Variants in SLC43A2 observed in about 807,000 individuals in gnomAD.
SLC43A2 encodes the protein solute carrier family 43 member 2, also known as large neutral amino acids transporter small subunit 4.
A neutral mutation model predicts 63.2 loss-of-function variants in SLC43A2; 38 were observed. That is an observed-to-expected ratio of 0.60 (90% confidence interval 0.46 to 0.79). SLC43A2 has a LOEUF of 0.79. Among genes scored for constraint, SLC43A2 ranks in the 30% least tolerant of loss-of-function variants. The probability of loss-of-function intolerance (pLI) is 0.00; values close to 1 mark genes in which losing one functional copy is unlikely to be tolerated. For missense variants in SLC43A2, 644 were observed against 756.2 expected (o/e 0.85, Z 1.74); for synonymous variants, 322 against 331.0 (o/e 0.97, Z 0.30).
At position 1,575,414 on chromosome 17, in the gene SLC43A2, A is replaced by C; in HGVS notation, c.*190T>G. On this transcript the variant is annotated 3_prime_UTR_variant, in exon 14 of 14. Coordinates refer to ENST00000301335, the MANE Select transcript of SLC43A2 (RefSeq NM_152346.3). ...GGCAGCCCCTGCGTTCGGCAGGAGA[A>C]AACGCGCGTGTCCGGGGCCCTCTCC... 5.6e-6 allele frequency: 4 copies of C among 709,832 alleles called. No homozygotes were observed. The highest frequency in any genetic ancestry group is 2.9e-5 in the Admixed American group (1 of 34,326). 44.0% of individuals were successfully genotyped at this position (709,832 alleles called of 1,614,324 possible).
intron 2 of SLC43A2, 59 bp downstream of exon 2, chr17:1,627,656 C>A: frequency 5.1e-5 from 35 of 689,884 alleles, no homozygotes; most frequent in African/African-American, 9.9e-5. Flanking sequence ...GCCCCCATCC[C>A]GCCCCCTCCC....
At chr17:1,613,657 G>C (rs933578425) in intron 4 of SLC43A2, among the ~76,000 whole-genome samples, 1 of 152,078 alleles carries the variant, frequency 6.6e-6, no homozygotes, top group Non-Finnish European at 1.5e-5. Context: ...GGCTGGTCTC[G>C]AACTCCTGGC....
chr17:1,588,499 T>C (rs1218805168), intron 9 of SLC43A2, among the ~76,000 whole-genome samples: 1 of 148,846 alleles, frequency 6.7e-6, no homozygotes, highest in Non-Finnish European at 1.5e-5. Flanking sequence ...GAGACCAGCC[T>C]GGGAAAAATA....
intron 2 of SLC43A2, among the ~76,000 whole-genome samples, chr17:1,624,925 G>A (rs181235460): frequency 6.6e-6 from 1 of 152,174 alleles, no homozygotes; most frequent in East Asian, 1.9e-4. Flanking sequence ...ACAGGTAGCC[G>A]CAGCCCCCCA....
intron 5 of SLC43A2, among the ~76,000 whole-genome samples, chr17:1,598,561 G>A (rs537322708): frequency 4.6e-5 from 7 of 152,318 alleles, no homozygotes; most frequent in African/African-American, 1.7e-4. Flanking sequence ...GGTAAAAAGA[G>A]TGTCTCAAAC....
Position 1,583,345 on chromosome 17 carries a change from A to G in SLC43A2, c.1218-9T>C. 1 of 1,613,848 alleles carries G rather than the reference A, an allele frequency of 6.2e-7. No homozygotes were observed. Among genetic ancestry groups the G allele is most frequent in the Non-Finnish European group, 8.5e-7 (1 of 1,179,842 alleles). On this transcript the variant is annotated splice_polypyrimidine_tract_variant and intron_variant, in intron 10 of 13. Coordinates refer to ENST00000301335, the MANE Select transcript of SLC43A2 (RefSeq NM_152346.3). This position sits in a 1 kb window ranked among gnomAD's most constrained non-coding sequence, Gnocchi z 5.5. ...TCTTTTTCTTCTCGCCTCTGTGGAGACACAGAACGTGCAGGGGTGGGAGGG... is the reference window on the plus strand; with the variant it reads ...TCTTTTTCTTCTCGCCTCTGTGGAGGCACAGAACGTGCAGGGGTGGGAGGG...
chr17:1,628,945 C>T (rs990032914), upstream of SLC43A2: 2 of 152,212 alleles, frequency 1.3e-5, no homozygotes, highest in African/African-American at 2.4e-5. Flanking sequence ...AGCAGCCAGC[C>T]CCCCGCCCGC....
At chr17:1,604,675 C>T in intron 5 of SLC43A2, 1 of 1,508,530 alleles carries the variant, frequency 6.6e-7, no homozygotes, top group Non-Finnish European at 8.9e-7. Context: ...TGCCCAGTCC[C>T]CAACTAGAGA....
rs145630054 is a variant in SLC43A2, at chr17:1,583,289, G to C, written c.1265C>G (p.Thr422Ser). 6.2e-7 allele frequency: 1 copy of C among 1,614,206 alleles called. No individual in the cohort carries two copies. ...KKRDRQIQKI[T>S]NAMRAFAFTN... ...GAAGGCGAAGGCCCGCATGGCATTA[G>C]TGATCTTCTGGATCTGCCGGTCCCG... Residue 422 changes from threonine (T) to serine (S), a missense_variant, in exon 11 of 14, where the codon ACT becomes AGT. This residue lies in a region of SLC43A2 where 528 missense variants were observed against 623.6 expected (regional missense o/e 0.85). Coordinates refer to ENST00000301335, the MANE Select transcript of SLC43A2 (RefSeq NM_152346.3). This position sits in a 1 kb window ranked among gnomAD's most constrained non-coding sequence, Gnocchi z 5.5.
At chr17:1,590,713 C>A (rs983816107) in intron 9 of SLC43A2, 89 bp downstream of exon 9, 8 of 1,499,482 alleles carry the variant, frequency 5.3e-6, no homozygotes, top group Non-Finnish European at 7.2e-6. Context: ...CCGGCTGGCC[C>A]GGCTCAGCTT....
At chr17:1,608,392 T>C (rs1485534957) in intron 5 of SLC43A2, among the ~76,000 whole-genome samples, 1 of 151,700 alleles carries the variant, frequency 6.6e-6, no homozygotes, top group Non-Finnish European at 1.5e-5. Context: ...CAGTGGTTTG[T>C]GTGTTTTGTT....
At chr17:1,604,838 C>T in intron 5 of SLC43A2, 1 of 1,535,760 alleles carries the variant, frequency 6.5e-7, no homozygotes, top group Non-Finnish European at 8.7e-7. Context: ...ATCCTGACAT[C>T]TGGGTCACTC....
At chr17:1,604,818 C>A in intron 5 of SLC43A2, 1 of 1,535,782 alleles carries the variant, frequency 6.5e-7, no homozygotes, top group Non-Finnish European at 8.7e-7. Context: ...CCTGTGGACT[C>A]CCGTAGGTCA....
intron 2 of SLC43A2, among the ~76,000 whole-genome samples, chr17:1,621,397 A>G (rs1908143493): frequency 6.6e-6 from 1 of 152,062 alleles, no homozygotes; most frequent in South Asian, 2.1e-4. Flanking sequence ...GGGCCCCTGG[A>G]CAGCCCACCG....
chr17:1,607,728 T>C (rs117946745), intron 5 of SLC43A2, among the ~76,000 whole-genome samples: 2,101 of 152,244 alleles, frequency 0.014, 19 homozygotes, highest in South Asian at 0.077. Flanking sequence ...AGACTTTTTT[T>C]TTTTTGAGTC....
intron 11 of SLC43A2, among the ~76,000 whole-genome samples, chr17:1,582,701 C>T (rs1372281132): frequency 2.6e-5 from 4 of 152,228 alleles, no homozygotes; most frequent in African/African-American, 9.6e-5. Context: ...CCTGCAGCAG[C>T]AAGCACAGAG....
At chr17:1,582,849 C>G (rs187733603) in intron 11 of SLC43A2, among the ~76,000 whole-genome samples, 1 of 152,298 alleles carries the variant, frequency 6.6e-6, no homozygotes, top group Admixed American at 6.5e-5. Flanking sequence ...GAGGCCAAGG[C>G]GGGTGGATCG....
intron 3 of SLC43A2, among the ~76,000 whole-genome samples, chr17:1,615,687 C>CA (rs1172670275): frequency 5.4e-5 from 8 of 148,986 alleles, no homozygotes; most frequent in African/African-American, 1.7e-4. Flanking sequence ...ACTAAAAATA[C>CA]AAAAAATTAG....
chr17:1,626,827 C>T (rs1158076814), intron 2 of SLC43A2, among the ~76,000 whole-genome samples: 1 of 152,154 alleles, frequency 6.6e-6, no homozygotes, highest in Admixed American at 6.5e-5. Context: ...AAGGAGAAGG[C>T]AGAGGGAAAA....
Sources: allele counts gnomAD v4.1 joint callset (sites outside exome capture counted in the v4.1 genomes callset), GRCh38; gene constraint gnomAD v4.1.1; regional missense constraint gnomAD v4.1.1; non-coding constraint Gnocchi (gnomAD v3.1); transcripts MANE v1.5; gene names NCBI Gene and HGNC (gene_info 2026-07-23, HGNC 2026-07-21).